CFAP69: variants seen among roughly 807,000 people sequenced by gnomAD.
CFAP69 encodes the protein cilia and flagella associated protein 69.
Under a neutral mutation model 123.0 loss-of-function variants are expected in CFAP69, and 92 were observed. The observed-to-expected ratio is 0.75, with a 90% CI of 0.63 to 0.89. CFAP69 has a LOEUF of 0.89. Ranked by LOEUF, CFAP69 falls within the 40% of genes least tolerant of loss-of-function variation. CFAP69 has a pLI of 0.00. For synonymous variants in CFAP69, 380 were observed against 364.3 expected, an observed-to-expected ratio of 1.04 and a Z score of -0.49; for missense variants, 1,067 against 1,096.9, an observed-to-expected ratio of 0.97 and a Z score of 0.39.
intron 12 of CFAP69, among the ~76,000 whole-genome samples, chr7:90,281,405 C>A (rs1206209644): frequency 2.0e-5 from 3 of 151,680 alleles, no homozygotes; most frequent in Non-Finnish European, 4.4e-5. Context: ...TTTATCAAGA[C>A]CTACGATAAA....
the CFAP69 span, chr7:90,319,236 A>G: frequency 7.6e-6 from 3 of 396,926 alleles, no homozygotes; most frequent in Non-Finnish European, 1.3e-5. Flanking sequence ...CATTTTAGGG[A>G]AAAAAACTAA....
At position 90,300,056 on chromosome 7, in the gene CFAP69, A is replaced by G; in HGVS notation, c.2047A>G (p.Ile683Val). ...AAAACGTGATAAAAATGGGAAGATC[A>G]TTGGTGAGTATATTTATAATTGTTA... ...GVKRDKNGKI[I>V]DTKKPLFTSF... The change falls in exon 17 of 23, where the codon ATT (isoleucine) becomes GTT (valine). Residue 683 changes from isoleucine (I) to valine (V), a missense_variant. Transcript: ENST00000389297. 1.9e-6 allele frequency: 3 copies of G among 1,572,904 alleles called. No homozygotes were observed. The highest frequency in any genetic ancestry group is 1.2e-5 in the South Asian group (1 of 85,138).
chr7:90,297,128 C>T (rs1394934402), intron 15 of CFAP69, among the ~76,000 whole-genome samples: 1 of 152,170 alleles, frequency 6.6e-6, no homozygotes, highest in African/African-American at 2.4e-5. Context: ...CTTTCAGAGC[C>T]TACTGTCATG....
At chr7:90,262,393 T>A (rs1215076208) in intron 4 of CFAP69, among the ~76,000 whole-genome samples, 1 of 152,224 alleles carries the variant, frequency 6.6e-6, no homozygotes, top group African/African-American at 2.4e-5. Flanking sequence ...AATTTCAGTC[T>A]AGTTTTTTTC....
intron 14 of CFAP69, among the ~76,000 whole-genome samples, chr7:90,286,613 C>G (rs1218728613): frequency 6.6e-6 from 1 of 152,178 alleles, no homozygotes; most frequent in Non-Finnish European, 1.5e-5. Flanking sequence ...ATATTTCTAT[C>G]TCTATAAAAT....
rs1447325546 is a variant in CFAP69 at position 90,283,047 on chromosome 7, C to A, written c.1528C>A (p.Gln510Lys). The A allele has an allele frequency of 1.3e-6, 2 of 1,549,706 alleles. No individual in the cohort carries two copies. Among genetic ancestry groups the A allele is most frequent in the Admixed American group, 4.0e-5 (2 of 50,544 alleles). The change falls in exon 13 of 23, where the codon CAA becomes AAA. Residue 510 changes from glutamine to lysine, a missense_variant. Physicochemically the swap from Gln to Lys is moderately conservative, Grantham distance 53. Coordinates refer to ENST00000389297, the MANE Select transcript of CFAP69 (RefSeq NM_001039706.3). ...KDLCEKGTIQ[Q>K]MIGIFKNIIS... ...TCTTTGTGAAAAGGGAACAATTCAG[C>A]AAATGATAGGTAAAATATAACATGG...
intron 16 of CFAP69, 60 bp downstream of exon 16, chr7:90,297,890 C>G (rs1052328235): frequency 6.3e-6 from 7 of 1,107,994 alleles, no homozygotes; most frequent in Non-Finnish European, 9.2e-6. Context: ...AAGGCCGTTT[C>G]CAAACTGAAT....
intron 14 of CFAP69, 67 bp from the exon 15 acceptor site, chr7:90,288,167 T>A: frequency 7.6e-7 from 1 of 1,318,512 alleles, no homozygotes; most frequent in Non-Finnish European, 1.1e-6. Context: ...AGGGGACCGA[T>A]AAAGTAGGAA....
chr7:90,249,276 G>A (rs1796690320), intron 1 of CFAP69, among the ~76,000 whole-genome samples: 1 of 152,110 alleles, frequency 6.6e-6, no homozygotes, highest in East Asian at 1.9e-4. Context: ...CCTGCCACCT[G>A]TGAAGGAGGT....
intron 20 of CFAP69, 102 bp downstream of exon 20, chr7:90,307,200 A>G: frequency 1.3e-6 from 1 of 767,022 alleles, no homozygotes; most frequent in Non-Finnish European, 2.2e-6. Context: ...ATAGCACAGT[A>G]GGACAACTAT....
chr7:90,278,714 C>T (rs1788978914), intron 11 of CFAP69, among the ~76,000 whole-genome samples: 1 of 152,030 alleles, frequency 6.6e-6, no homozygotes, highest in Non-Finnish European at 1.5e-5. Context: ...TTTTATGTGT[C>T]ACATAATTTG....
intron 13 of CFAP69, among the ~76,000 whole-genome samples, chr7:90,285,240 C>T (rs1288222747): frequency 2.6e-5 from 4 of 152,124 alleles, no homozygotes; most frequent in Non-Finnish European, 4.4e-5. Context: ...CTCAGCTAGC[C>T]TCTCTTAGGG....
Position 90,295,415 on chromosome 7 carries a change from C to T in CFAP69, c.1776-2334C>T, listed in dbSNP as rs1473542345. On this transcript the variant is annotated intron_variant, in intron 15 of 22. Coordinates refer to ENST00000389297, the MANE Select transcript of CFAP69 (RefSeq NM_001039706.3). The stretch of plus-strand genomic sequence containing the variant: ...CCCAATGCCATCCTTCAGCCGAGTA[C>T]CCAACCACTCACCCAAGGTCGGCCA... Among the ~76,000 whole-genome samples, 8 of 152,164 alleles carry T rather than the reference C, an allele frequency of 5.3e-5. No homozygotes were observed. The East Asian group carries it at 1.4e-3, about 26-fold the overall frequency.
intron 14 of CFAP69, among the ~76,000 whole-genome samples, chr7:90,287,952 C>CT (rs1562897237): frequency 1.3e-5 from 2 of 151,702 alleles, no homozygotes; most frequent in East Asian, 3.9e-4. Flanking sequence ...TTTATGACTT[C>CT]TTTTAGGAGA....
downstream of CFAP69, among the ~76,000 whole-genome samples, chr7:90,314,718 G>A (rs907485660): frequency 1.3e-5 from 2 of 148,542 alleles, no homozygotes; most frequent in African/African-American, 5.0e-5. Context: ...TTACAGTTTG[G>A]TATTTTTTAT....
intron 9 of CFAP69, 28 bp downstream of exon 9, chr7:90,274,138 T>G: frequency 1.3e-6 from 2 of 1,586,050 alleles, no homozygotes; most frequent in Non-Finnish European, 1.7e-6. Context: ...TGCATTAATT[T>G]TAATTGTGGA....
chr7:90,289,145 A>G lies in CFAP69; in HGVS notation c.1775+793A>G, dbSNP rs1462228477. Among the ~76,000 whole-genome samples the G allele has an allele frequency of 3.3e-5, 5 of 152,056 alleles. No individual in the cohort carries two copies. In the South Asian group the frequency reaches 8.3e-4, roughly 25 times the overall value. ...GTGTGCATATATTTTATTAAACATC[A>G]TAGATATTTCTGTCCAGTATACACC... On this transcript the variant is annotated intron_variant, in intron 15 of 22. Coordinates refer to ENST00000389297, the MANE Select transcript of CFAP69 (RefSeq NM_001039706.3).
the CFAP69 span, chr7:90,321,092 G>T: frequency 3.9e-5 from 6 of 152,266 alleles, no homozygotes; most frequent in African/African-American, 1.4e-4. Flanking sequence ...TGCCCAGGGC[G>T]CCCTCTGCCC....
intron 12 of CFAP69, among the ~76,000 whole-genome samples, chr7:90,281,946 A>G (rs568960539): frequency 6.6e-6 from 1 of 152,338 alleles, no homozygotes; most frequent in East Asian, 1.9e-4. Context: ...AGGGACTGCC[A>G]TGTCACAGAG....
Sources: allele counts gnomAD v4.1 joint callset (sites outside exome capture counted in the v4.1 genomes callset), GRCh38; gene constraint gnomAD v4.1.1; transcripts MANE v1.5; gene names NCBI Gene and HGNC (gene_info 2026-07-23, HGNC 2026-07-21).